Variants in HIVEP3 observed in about 807,000 individuals in gnomAD.
HIVEP3 encodes HIVEP zinc finger 3.
HIVEP3 carries 49 observed loss-of-function variants against 152.8 expected under a neutral mutation model. The observed-to-expected ratio is 0.32, with a 90% CI of 0.26 to 0.41. The LOEUF is 0.41. Among genes scored for constraint, HIVEP3 ranks in the 10% least tolerant of loss-of-function variants. The probability of loss-of-function intolerance (pLI) is 1.00; values close to 1 mark genes in which losing one functional copy is unlikely to be tolerated. For synonymous variants in HIVEP3, 1,269 were observed against 1,289.0 expected (o/e 0.98, Z 0.33); for missense variants, 2,790 against 3,103.3 (o/e 0.90, Z 2.40).
In HIVEP3 at chr1:41,510,219, G is replaced by T. The variant is rs1389376862; in HGVS notation, c.*232C>A. 5 of 353,582 alleles carry T rather than the reference G, an allele frequency of 1.4e-5. No individual in the cohort carries two copies. Among genetic ancestry groups the T allele is most frequent in the African/African-American group, 4.3e-5 (2 of 46,426 alleles). 21.9% of individuals were successfully genotyped at this position (353,582 alleles called of 1,614,324 possible). On this transcript the variant is annotated 3_prime_UTR_variant, in exon 9 of 9. Coordinates refer to ENST00000372583, the MANE Select transcript of HIVEP3 (RefSeq NM_024503.5). ...AGCCTCAGACTCCTCGTGGGTTGTT[G>T]TTTTTTTTTTAAATGTATGTATGTG...
intron 1 of HIVEP3, among the ~76,000 whole-genome samples, chr1:41,762,630 A>C (rs1044125332): frequency 6.6e-6 from 1 of 152,196 alleles, no homozygotes; most frequent in East Asian, 1.9e-4. Flanking sequence ...CAAGCCCCAC[A>C]CAAAGCCTGC....
intron 3 of HIVEP3, among the ~76,000 whole-genome samples, chr1:41,616,435 G>A (rs1229636051): frequency 6.6e-6 from 1 of 152,110 alleles, no homozygotes; most frequent in Non-Finnish European, 1.5e-5. Flanking sequence ...TTTCTAAGAG[G>A]GACGCACAGA....
Position 41,845,404 on chromosome 1 carries a change from TACACACACACACACGC to T in HIVEP3, c.-801+72993_-801+73008del, listed in dbSNP as rs1211285268. Among the ~76,000 whole-genome samples, 387 of 119,402 alleles carry T rather than the reference TACACACACACACACGC, an allele frequency of 3.2e-3. 1 individual carries two copies. The highest frequency in any genetic ancestry group is 0.013 in the African/African-American group (357 of 27,524). The allele number at this position is 119,402 out of a possible 152,430, so 78.3% of individuals were successfully genotyped here. A position where few individuals can be genotyped will look rare whatever the true frequency, so the allele number is the denominator to read the frequency against. On this transcript the variant is annotated intron_variant, in intron 1 of 8. Coordinates refer to ENST00000372583, the MANE Select transcript of HIVEP3 (RefSeq NM_024503.5). ...GCAACAACCACCTACACACCTCCTA[TACACACACACACACGC>T]ACACACACACACACACACACACACA...
At chr1:41,725,367 A>C (rs1017866096) in intron 1 of HIVEP3, among the ~76,000 whole-genome samples, 1 of 152,232 alleles carries the variant, frequency 6.6e-6, no homozygotes, top group Admixed American at 6.5e-5. Flanking sequence ...AATAGCTGTC[A>C]AGAGGCAAGA....
At chr1:41,995,739 C>T (rs1168615859) in intron 1 of HIVEP3, among the ~76,000 whole-genome samples, 1 of 152,198 alleles carries the variant, frequency 6.6e-6, no homozygotes, top group Non-Finnish European at 1.5e-5. Flanking sequence ...TTGTATCATT[C>T]AGGAGGAAAA....
intron 2 of HIVEP3, among the ~76,000 whole-genome samples, chr1:41,634,775 A>G (rs1645244923): frequency 6.6e-6 from 1 of 152,202 alleles, no homozygotes; most frequent in Non-Finnish European, 1.5e-5. Flanking sequence ...CGAAGAGTCT[A>G]TTTCTCCAAG....
rs779551311 is a variant in HIVEP3 at position 41,581,156 on chromosome 1, G to A, written c.3642C>T (p.Asn1214=). 3 of 1,549,602 alleles carry A rather than the reference G, an allele frequency of 1.9e-6. No individual in the cohort carries two copies. The highest frequency in any genetic ancestry group is 1.3e-5 in the South Asian group (1 of 79,938). The part of the protein sequence containing the change: ...HLPQLMPHPA[N]IPFRQPPSFL... Reference sequence around the variant, plus strand: ...AGGAAGGGGGCTGCCTGAAGGGGATGTTGGCTGGGTGAGGCATGAGCTGGG... The same window carrying A: ...AGGAAGGGGGCTGCCTGAAGGGGATATTGGCTGGGTGAGGCATGAGCTGGG... The change falls in exon 4 of 9, where the codon AAC becomes AAT. Residue 1214 remains asparagine (N), a synonymous_variant. Transcript: ENST00000372583. The surrounding 1 kb of genome is among the most constrained non-coding windows in gnomAD (Gnocchi z 4.5).
chr1:42,020,191 G>C lies in HIVEP3; in HGVS notation n.119+15616C>G, dbSNP rs75131001. 1.6e-3 allele frequency among the ~76,000 whole-genome samples: 250 copies of C among 152,000 alleles called. 1 individual carries two copies. The highest frequency in any genetic ancestry group is 5.6e-3 in the African/African-American group (232 of 41,504). On this transcript the variant is annotated intron_variant and non_coding_transcript_variant, in intron 1 of 3. Transcript: ENST00000489103. ...TCTTGTAATGTCTGTGTCAGCTTTT[G>C]ATATAATGTTTTTTCTTGAGAATGA...
At chr1:41,773,687 T>C (rs890198882) in intron 1 of HIVEP3, among the ~76,000 whole-genome samples, 1 of 152,236 alleles carries the variant, frequency 6.6e-6, no homozygotes, top group Non-Finnish European at 1.5e-5. Flanking sequence ...CCTCCTCTGA[T>C]GTGCACAGAT....
At chr1:41,903,145 T>C (rs1487116873) in intron 1 of HIVEP3, among the ~76,000 whole-genome samples, 4 of 152,212 alleles carry the variant, frequency 2.6e-5, no homozygotes, top group Non-Finnish European at 5.9e-5. Context: ...ACACCTGCTA[T>C]GGATCCAACT....
At position 41,533,021 on chromosome 1, in the gene HIVEP3, G is replaced by A. The variant is rs1268744400; in HGVS notation, c.5208-8111C>T. On this transcript the variant is annotated intron_variant, in intron 5 of 8. Coordinates refer to ENST00000372583, the MANE Select transcript of HIVEP3 (RefSeq NM_024503.5). This position sits in a 1 kb window ranked among gnomAD's most constrained non-coding sequence, Gnocchi z 4.3. Reference sequence around the variant, plus strand: ...GAACTGTGGCTTAGCCAAGAGGAGAGGGTTTAGAGGAGGAGGGGCCCATGG... The same window carrying A: ...GAACTGTGGCTTAGCCAAGAGGAGAAGGTTTAGAGGAGGAGGGGCCCATGG... 6.6e-6 allele frequency among the ~76,000 whole-genome samples: 1 copy of A among 152,174 alleles called. No individual in the cohort carries two copies. Among genetic ancestry groups the A allele is most frequent in the East Asian group, 1.9e-4 (1 of 5,188 alleles).
chr1:41,609,380 G>A (rs1315027775), intron 3 of HIVEP3, among the ~76,000 whole-genome samples: 1 of 152,240 alleles, frequency 6.6e-6, no homozygotes, highest in Non-Finnish European at 1.5e-5. Flanking sequence ...CAGCCTAGTA[G>A]TTCATGGACA....
At chr1:41,862,720 A>G (rs1643902856) in intron 1 of HIVEP3, among the ~76,000 whole-genome samples, 1 of 152,216 alleles carries the variant, frequency 6.6e-6, no homozygotes, top group South Asian at 2.1e-4. Context: ...AAAGACAGGC[A>G]GCTTGTTGTG....
Position 41,575,570 on chromosome 1 carries a change from C to T in HIVEP3, c.5181G>A (p.Pro1727=), listed in dbSNP as rs753210157. Residue 1727 remains proline (P), a synonymous_variant, in exon 5 of 9, where the codon CCG becomes CCA. Transcript: ENST00000372583. The part of the protein sequence containing the change: ...EDAPASQRGE[P]ARIKIFEGGY... ...CTCCTTCGAAGATTTTGATCCTCGC[C>T]GGCTCCCCTCTCTGGGAGGCAGGAG... 13 of 1,614,100 alleles carry T rather than the reference C, an allele frequency of 8.1e-6. No homozygotes were observed. The highest frequency in any genetic ancestry group is 4.4e-5 in the South Asian group (4 of 91,074).
intron 1 of HIVEP3, among the ~76,000 whole-genome samples, chr1:41,917,580 G>T (rs770992207): frequency 6.6e-6 from 1 of 152,162 alleles, no homozygotes; most frequent in Non-Finnish European, 1.5e-5. Context: ...AACCAATGCC[G>T]AGCCTCCAAG....
At chr1:41,723,385 T>C (rs1199399784) in intron 1 of HIVEP3, among the ~76,000 whole-genome samples, 1 of 151,866 alleles carries the variant, frequency 6.6e-6, no homozygotes, top group Non-Finnish European at 1.5e-5. Flanking sequence ...ATGGAATTCT[T>C]GGGGGAACTC....
intron 2 of HIVEP3, among the ~76,000 whole-genome samples, chr1:41,645,731 A>G (rs558416283): frequency 4.6e-5 from 7 of 152,212 alleles, no homozygotes; most frequent in Non-Finnish European, 1.0e-4. Context: ...GTGCTCAGTA[A>G]ATACATGCTG....
chr1:41,770,380 T>C (rs975601703), intron 1 of HIVEP3, among the ~76,000 whole-genome samples: 4 of 152,186 alleles, frequency 2.6e-5, no homozygotes, highest in Non-Finnish European at 5.9e-5. Flanking sequence ...TGATTTGATA[T>C]TCCTCCCTGC....
intron 1 of HIVEP3, among the ~76,000 whole-genome samples, chr1:42,006,782 T>C (rs6600394): frequency 0.68 from 103,303 of 152,072 alleles, 35,735 homozygotes; most frequent in East Asian, 0.96. Context: ...AGTATTATTA[T>C]AAAAGTATTT....
Sources: gnomAD v4.1 joint callset for allele counts (sites outside exome capture counted in the v4.1 genomes callset) on GRCh38, gnomAD v4.1.1 for gene constraint, Gnocchi (gnomAD v3.1) non-coding constraint, MANE v1.5 for transcripts, NCBI Gene and HGNC (gene_info 2026-07-23, HGNC 2026-07-21) for gene names.